The following PTAR1 variants were observed in gnomAD, a reference collection of about 807,000 sequenced individuals.
The protein encoded by PTAR1 is protein prenyltransferase alpha subunit repeat-containing protein 1.
Under a neutral mutation model 45.5 loss-of-function variants are expected in PTAR1, and 17 were observed. That is an observed-to-expected ratio of 0.37 (90% CI 0.26 to 0.56). PTAR1 has a LOEUF of 0.56. PTAR1 is among the 20% of genes least tolerant of loss of function. The pLI is 0.77. For synonymous variants in PTAR1, 169 were observed against 171.3 expected, an observed-to-expected ratio of 0.99 and a Z score of 0.11; for missense variants, 391 against 476.3, an observed-to-expected ratio of 0.82 and a Z score of 1.67.
rs1036027642 is a variant in PTAR1, at chr9:69,715,505, G to C, written c.*2837C>G. ...TAAAGGCGGGGTGAAGGTGGTGTTG[G>C]AGACAGTTACAGAGCTTAATGCTTT... On this transcript the variant is annotated 3_prime_UTR_variant, in exon 8 of 8. Coordinates refer to ENST00000340434, the MANE Select transcript of PTAR1 (RefSeq NM_001099666.2). 4 of 152,172 alleles carry C rather than the reference G, an allele frequency of 2.6e-5. No homozygotes were observed. Among genetic ancestry groups the C allele is most frequent in the African/African-American group, 9.6e-5 (4 of 41,458 alleles). 9.4% of individuals were successfully genotyped at this position (152,172 alleles called of 1,614,324 possible).
chr9:69,719,167 C>G (rs1156668141), intron 6 of PTAR1, among the ~76,000 whole-genome samples: 2 of 152,148 alleles, frequency 1.3e-5, no homozygotes, highest in African/African-American at 4.8e-5. Context: ...AATAACATAT[C>G]TGTTGTAGTG....
intron 1 of PTAR1, chr9:69,758,256 C>T (rs1435566406): frequency 6.6e-6 from 1 of 152,166 alleles, no homozygotes; most frequent in Non-Finnish European, 1.5e-5. Flanking sequence ...CTCTTTTAGT[C>T]TACCTCAAAG....
rs1459029117 is a variant in PTAR1 at position 69,714,151 on chromosome 9, G to A, written c.*4191C>T. Reference sequence around the variant, plus strand: ...GGAGCTTATTACAGAGCATACCTAGGTATGGGGAGGCAGCAACACATAAAG... The same window carrying A: ...GGAGCTTATTACAGAGCATACCTAGATATGGGGAGGCAGCAACACATAAAG... On this transcript the variant is annotated 3_prime_UTR_variant, in exon 8 of 8. Coordinates refer to ENST00000340434, the MANE Select transcript of PTAR1 (RefSeq NM_001099666.2). The A allele has an allele frequency of 6.6e-6, 1 of 152,068 alleles. No homozygotes were observed. The highest frequency in any genetic ancestry group is 1.5e-5 in the Non-Finnish European group (1 of 67,996). 9.4% of individuals were successfully genotyped at this position (152,068 alleles called of 1,614,324 possible). A position where few individuals can be genotyped will look rare whatever the true frequency, so the allele number is the denominator to read the frequency against.
At position 69,718,309 on chromosome 9, in the gene PTAR1, A is replaced by C. The variant is rs1489946093; in HGVS notation, c.*33T>G. On this transcript the variant is annotated 3_prime_UTR_variant, in exon 8 of 8. Transcript: ENST00000340434. ...AATAAAAGAAAGCAATATTGCACTAAAAGGGGAACCTTGTAGGACTAATTC... is the reference window on the plus strand; with the variant it reads ...AATAAAAGAAAGCAATATTGCACTACAAGGGGAACCTTGTAGGACTAATTC... The C allele has an allele frequency of 6.8e-7, 1 of 1,476,854 alleles. No individual in the cohort carries two copies. Among genetic ancestry groups the C allele is most frequent in the Non-Finnish European group, 9.2e-7 (1 of 1,087,256 alleles). 91.5% of individuals were successfully genotyped at this position (1,476,854 alleles called of 1,614,324 possible). A position where few individuals can be genotyped will look rare whatever the true frequency, so the allele number is the denominator to read the frequency against.
chr9:69,738,806 T>G (rs967957893), intron 3 of PTAR1, among the ~76,000 whole-genome samples: 1 of 111,958 alleles, frequency 8.9e-6, no homozygotes, highest in African/African-American at 2.9e-5. Context: ...CCCTAACACC[T>G]CAATTTTTTT....
intron 1 of PTAR1, among the ~76,000 whole-genome samples, chr9:69,756,076 C>T (rs1178838832): frequency 6.6e-6 from 1 of 152,174 alleles, no homozygotes; most frequent in Non-Finnish European, 1.5e-5. Context: ...AACTATACTA[C>T]ACTATTATTT....
Position 69,760,006 on chromosome 9 carries a change from G to T in PTAR1, c.-68C>A. The T allele has an allele frequency of 7.9e-7, 1 of 1,267,046 alleles. No homozygotes were observed. Among genetic ancestry groups the T allele is most frequent in the South Asian group, 2.4e-5 (1 of 42,392 alleles). 78.5% of individuals were successfully genotyped at this position (1,267,046 alleles called of 1,614,324 possible). On this transcript the variant is annotated 5_prime_UTR_variant, in exon 1 of 8. Transcript: ENST00000340434. ...CCGGGCCGCCGGCGGGAGTTCCGCGGAGAACGAGCGCGCGCGCGCGCGCGC... is the reference window on the plus strand; with the variant it reads ...CCGGGCCGCCGGCGGGAGTTCCGCGTAGAACGAGCGCGCGCGCGCGCGCGC...
chr9:69,719,043 C>G (rs920825166), intron 6 of PTAR1, among the ~76,000 whole-genome samples: 1 of 152,072 alleles, frequency 6.6e-6, no homozygotes. Flanking sequence ...AAATATAAAA[C>G]AAAACCAAGA....
At chr9:69,739,892 G>C (rs1825965972) in intron 3 of PTAR1, among the ~76,000 whole-genome samples, 1 of 152,086 alleles carries the variant, frequency 6.6e-6, no homozygotes, top group Non-Finnish European at 1.5e-5. Flanking sequence ...CAATTTTCAA[G>C]ATTAACTGTC....
chr9:69,756,422 A>C (rs1389013293), intron 1 of PTAR1, among the ~76,000 whole-genome samples: 2 of 152,176 alleles, frequency 1.3e-5, no homozygotes, highest in Non-Finnish European at 2.9e-5. Context: ...GATAGGGACC[A>C]TGTGTGGTTT....
At chr9:69,731,956 G>A (rs760937074) in intron 5 of PTAR1, 183 bp downstream of exon 5, 17 of 597,734 alleles carry the variant, frequency 2.8e-5, no homozygotes, top group Admixed American at 1.5e-4. Flanking sequence ...AACAGCACTA[G>A]TGGGGAATGC....
At chr9:69,734,437 G>A (rs1182193032) in intron 3 of PTAR1, among the ~76,000 whole-genome samples, 183 bp from the exon 4 acceptor site, 2 of 152,012 alleles carry the variant, frequency 1.3e-5, no homozygotes, top group East Asian at 3.9e-4. Flanking sequence ...AATGTGACAT[G>A]CAGTAATCAA....
At position 69,742,733 on chromosome 9, in the gene PTAR1, T is replaced by C. The variant is rs188543597; in HGVS notation, c.257-875A>G. Among the ~76,000 whole-genome samples, 24 of 152,232 alleles carry C rather than the reference T, an allele frequency of 1.6e-4. No individual in the cohort carries two copies. The East Asian group carries it at 2.5e-3, about 16-fold the overall frequency. On this transcript the variant is annotated intron_variant, in intron 2 of 7. Transcript: ENST00000340434. ...CTTATGTCCCTATAACTGACCTATA[T>C]ATATTTTTAAAAATGAATGTGACAG...
In PTAR1 at chr9:69,713,383, T is replaced by TA. The variant is rs1255389712; in HGVS notation, c.*4958dup. ...GAATATATTATTCAACAGTTCTCTG[T>TA]AAAAGCACTTTGGAATCTTTAGCTA... On this transcript the variant is annotated 3_prime_UTR_variant, in exon 8 of 8. Coordinates refer to ENST00000340434, the MANE Select transcript of PTAR1 (RefSeq NM_001099666.2). The TA allele has an allele frequency of 6.6e-6, 1 of 152,158 alleles. No homozygotes were observed. The highest frequency in any genetic ancestry group is 2.4e-5 in the African/African-American group (1 of 41,444). The allele number at this position is 152,158 out of a possible 1,614,324, so 9.4% of individuals were successfully genotyped here.
chr9:69,727,036 C>CGT (rs923597379), intron 5 of PTAR1, among the ~76,000 whole-genome samples: 2 of 150,520 alleles, frequency 1.3e-5, no homozygotes, highest in Non-Finnish European at 3.0e-5. Flanking sequence ...TACACACACA[C>CGT]ACACACACAC....
At chr9:69,731,988 G>A in intron 5 of PTAR1, 151 bp downstream of exon 5, 1 of 613,954 alleles carries the variant, frequency 1.6e-6, no homozygotes, top group Non-Finnish European at 2.9e-6. Context: ...TTAATTACAG[G>A]GTTCCTCCAG....
intron 3 of PTAR1, among the ~76,000 whole-genome samples, chr9:69,739,042 G>A (rs1298513022): frequency 1.3e-5 from 2 of 151,998 alleles, no homozygotes; most frequent in Non-Finnish European, 2.9e-5. Flanking sequence ...TCCTGACCTC[G>A]TGATCCACCC....
At position 69,750,882 on chromosome 9, in the gene PTAR1, T is replaced by C. The variant is rs377658803; in HGVS notation, c.155A>G (p.Asn52Ser). The change falls in exon 2 of 8, where the codon AAC becomes AGC. Residue 52 changes from asparagine to serine, a missense_variant. Physicochemically the swap from Asn to Ser is conservative, Grantham distance 46. Around this residue, in one of 5 missense-constraint regions of PTAR1, gnomAD observed 152 missense variants for 160.0 expected, o/e 0.95. Transcript: ENST00000340434. ...YNRSPIVLVE[N>S]KLGVESWCVK... ...ACACCAGCTCTCCACACCCAGTTTG[T>C]TTTCAACCAGGACTATGGGACTCCG... The C allele has an allele frequency of 4.3e-6, 7 of 1,610,362 alleles. No homozygotes were observed. Among genetic ancestry groups the C allele is most frequent in the Non-Finnish European group, 5.9e-6 (7 of 1,178,072 alleles).
At chr9:69,726,404 C>T (rs1197324897) in intron 5 of PTAR1, among the ~76,000 whole-genome samples, 1 of 151,988 alleles carries the variant, frequency 6.6e-6, no homozygotes, top group East Asian at 1.9e-4. Flanking sequence ...CAGAATTTAA[C>T]CATTCCTGTG....
Sources: gnomAD v4.1 joint callset for allele counts (sites outside exome capture counted in the v4.1 genomes callset) on GRCh38, gnomAD v4.1.1 for gene constraint, gnomAD v4.1.1 regional missense constraint, MANE v1.5 for transcripts, NCBI Gene and HGNC (gene_info 2026-07-23, HGNC 2026-07-21) for gene names.